Variants in TET2 observed in about 807,000 individuals in gnomAD.
TET2 encodes tet methylcytosine dioxygenase 2.
In TET2, 299 loss-of-function variants were observed where a neutral mutation model predicts 142.9. That is an observed-to-expected ratio of 2.09 (90% confidence interval 1.90 to 2.30). The LOEUF (loss-of-function observed/expected upper bound fraction) is 2.30, where lower values mean the gene tolerates loss of function less well. Among genes scored for constraint, TET2 ranks in the 30% most tolerant of loss-of-function variants. The pLI is 0.00. For synonymous variants in TET2, 819 were observed against 849.0 expected (o/e 0.96, Z 0.61); for missense variants, 2,418 against 2,378.0 (o/e 1.02, Z -0.35).
intron 1 of TET2, among the ~76,000 whole-genome samples, chr4:105,151,203 C>G (rs1723281938): frequency 6.6e-6 from 1 of 152,006 alleles, no homozygotes; most frequent in East Asian, 1.9e-4. Flanking sequence ...TTCCTGTAGT[C>G]CCAGCTACTC....
chr4:105,260,059 A>G (rs1240854550), intron 7 of TET2, among the ~76,000 whole-genome samples: 1 of 152,114 alleles, frequency 6.6e-6, no homozygotes, highest in African/African-American at 2.4e-5. Flanking sequence ...TGTTTTTCAT[A>G]TTTTGACTCT....
Position 105,190,376 on chromosome 4 carries a change from C to A in TET2, c.-176C>A. On this transcript the variant is annotated 5_prime_UTR_variant, in exon 2 of 11. Transcript: ENST00000380013. ...CTTCTCTAGGCTGGCAAACATTCAG[C>A]AGCACACCCTCTCAAGATTGTTTAC... 1.5e-6 allele frequency: 1 copy of A among 677,370 alleles called. No homozygotes were observed. The highest frequency in any genetic ancestry group is 2.7e-6 in the Non-Finnish European group (1 of 375,356). 42.0% of individuals were successfully genotyped at this position (677,370 alleles called of 1,614,324 possible).
At chr4:105,247,604 C>G (rs1468430184) in intron 6 of TET2, among the ~76,000 whole-genome samples, 2 of 148,218 alleles carry the variant, frequency 1.3e-5, no homozygotes, top group Non-Finnish European at 1.5e-5. Flanking sequence ...TAAAATTCCC[C>G]ACATTCTGGA....
chr4:105,189,111 C>T (rs1725633067), intron 1 of TET2, among the ~76,000 whole-genome samples: 1 of 152,018 alleles, frequency 6.6e-6, no homozygotes, highest in Non-Finnish European at 1.5e-5. Context: ...GTCCCAGTCT[C>T]AGCTTACTAT....
chr4:105,209,314 T>G (rs1727025307), intron 2 of TET2, among the ~76,000 whole-genome samples: 1 of 151,654 alleles, frequency 6.6e-6, no homozygotes, highest in African/African-American at 2.4e-5. Flanking sequence ...CGCAATAACA[T>G]TTTCTATATC....
chr4:105,223,476 T>C (rs1468188165), intron 2 of TET2, among the ~76,000 whole-genome samples: 2 of 152,140 alleles, frequency 1.3e-5, no homozygotes, highest in Admixed American at 1.3e-4. Context: ...ACCATACCAA[T>C]ATTACATAGT....
At chr4:105,240,337 C>CT in intron 3 of TET2, 1 of 1,065,740 alleles carries the variant, frequency 9.4e-7, no homozygotes, top group African/African-American at 1.7e-5. Flanking sequence ...TTAAAAAAAG[C>CT]TTTTTGTTAA....
In TET2 at chr4:105,235,591, G is replaced by A. The variant is rs769376786; in HGVS notation, c.1649G>A (p.Arg550Gln). 6.8e-6 allele frequency: 11 copies of A among 1,614,010 alleles called. No individual in the cohort carries two copies. The East Asian group carries it at 1.1e-4, about 16-fold the overall frequency. Residue 550 changes from arginine to glutamine, a missense_variant, in exon 3 of 11, where the codon CGA becomes CAA. Physicochemically the swap from Arg to Gln is conservative, Grantham distance 43. Transcript: ENST00000380013. ...ILKGRDKEQT[R>Q]DLVPPTQHYL... Reference sequence around the variant, plus strand: ...AAGGGTCGAGACAAGGAGCAAACACGAGATCTTGTGCCCCCAACACAGCAC... The same window carrying A: ...AAGGGTCGAGACAAGGAGCAAACACAAGATCTTGTGCCCCCAACACAGCAC...
At position 105,236,019 on chromosome 4, in the gene TET2, A is replaced by G. The variant is rs1308784638; in HGVS notation, c.2077A>G (p.Lys693Glu). Residue 693 changes from lysine (K) to glutamate (E), a missense_variant, in exon 3 of 11, where the codon AAA becomes GAA. Lys to Glu is a moderately conservative substitution (Grantham distance 56). Coordinates refer to ENST00000380013, the MANE Select transcript of TET2 (RefSeq NM_001127208.3). ...ACAAAGAGCAGATTCCCAAACTGAA[A>G]AACTTATGTCCCCAGTGTTGAAACA... ...FQQRADSQTE[K>E]LMSPVLKQHL... 6.2e-7 allele frequency: 1 copy of G among 1,614,192 alleles called. No individual in the cohort carries two copies. Among genetic ancestry groups the G allele is most frequent in the Non-Finnish European group, 8.5e-7 (1 of 1,180,024 alleles).
chr4:105,218,209 C>T (rs1220727941), intron 2 of TET2, among the ~76,000 whole-genome samples: 4 of 151,988 alleles, frequency 2.6e-5, no homozygotes, highest in African/African-American at 9.7e-5. Flanking sequence ...ATGAAGAAAG[C>T]TTTTTAATCA....
chr4:105,256,453 T>A (rs1292891320), intron 6 of TET2, among the ~76,000 whole-genome samples: 1 of 152,184 alleles, frequency 6.6e-6, no homozygotes, highest in African/African-American at 2.4e-5. Flanking sequence ...CTTCATTGTT[T>A]CTGATCAGAG....
chr4:105,255,009 T>C (rs1368010066), intron 6 of TET2, among the ~76,000 whole-genome samples: 1 of 152,228 alleles, frequency 6.6e-6, no homozygotes, highest in African/African-American at 2.4e-5. Context: ...TTTTTATCCA[T>C]CTGCTTCCTT....
chr4:105,272,571 CT>C lies in TET2; in HGVS notation c.4191del (p.Leu1398SerfsTer50). On this transcript the variant is annotated frameshift_variant, in exon 10 of 11. Transcript: ENST00000380013. LOFTEE classifies it high-confidence loss of function. The part of the protein sequence containing the change: ...NMQNGSTLVC[T>X]LTREDNREFG... ...GTCTTACTTCCCTACCAGGTATGCA[CT>C]CTCACTAGAGAAGACAATCGAGAAT... 1 of 1,527,396 alleles carries C rather than the reference CT, an allele frequency of 6.5e-7. No homozygotes were observed. The highest frequency in any genetic ancestry group is 8.8e-7 in the Non-Finnish European group (1 of 1,136,490). 94.6% of individuals were successfully genotyped at this position (1,527,396 alleles called of 1,614,324 possible). A position where few individuals can be genotyped will look rare whatever the true frequency, so the allele number is the denominator to read the frequency against.
At chr4:105,209,049 G>GTGTATATATATATATA (rs71584291) in intron 2 of TET2, among the ~76,000 whole-genome samples, 1 of 44,354 alleles carries the variant, frequency 2.3e-5, no homozygotes, top group Admixed American at 3.4e-4. Context: ...TCAAGGCATG[G>GTGTATATATATATATA]TATATATATA....
chr4:105,194,319 C>T (rs1411387706), intron 2 of TET2, among the ~76,000 whole-genome samples: 2 of 152,098 alleles, frequency 1.3e-5, no homozygotes, highest in Non-Finnish European at 2.9e-5. Context: ...TAATCACTTT[C>T]TCCCACCTTT....
chr4:105,256,190 T>C (rs935498891), intron 6 of TET2, among the ~76,000 whole-genome samples: 17 of 152,218 alleles, frequency 1.1e-4, no homozygotes, highest in African/African-American at 3.4e-4. Flanking sequence ...TATTTACCTA[T>C]GTAATTATCT....
At chr4:105,157,295 C>G (rs199553412) in intron 1 of TET2, among the ~76,000 whole-genome samples, 10 of 152,020 alleles carry the variant, frequency 6.6e-5, no homozygotes, top group East Asian at 1.9e-4. Context: ...AATCTCACAA[C>G]TAAAGATTCT....
chr4:105,265,913 C>G (rs868203003), intron 8 of TET2, among the ~76,000 whole-genome samples: 4 of 152,140 alleles, frequency 2.6e-5, no homozygotes, highest in Admixed American at 2.0e-4. Flanking sequence ...CCCAAACACA[C>G]CCAGCCTTAT....
At position 105,206,048 on chromosome 4, in the gene TET2, T is replaced by C. The variant is rs376386510; in HGVS notation, c.-47+15543T>C. On this transcript the variant is annotated intron_variant, in intron 2 of 10. Coordinates refer to ENST00000380013, the MANE Select transcript of TET2 (RefSeq NM_001127208.3). ...CACCCCACAACCCACACCCTTTGTA[T>C]TTCTCTTTTACTTGTCTTGGCCTCT... Among the ~76,000 whole-genome samples the C allele has an allele frequency of 2.4e-4, 37 of 152,354 alleles. 1 individual carries two copies. The South Asian group carries it at 7.7e-3, about 32-fold the overall frequency.
Sources: gnomAD v4.1 joint callset for allele counts (sites outside exome capture counted in the v4.1 genomes callset) on GRCh38, gnomAD v4.1.1 for gene constraint, MANE v1.5 for transcripts, NCBI Gene and HGNC (gene_info 2026-07-23, HGNC 2026-07-21) for gene names.